The following PIK3C2G variants were observed in gnomAD, a reference collection of about 807,000 sequenced individuals.
PIK3C2G encodes the protein phosphatidylinositol 3-kinase C2 domain-containing subunit gamma.
Under a neutral mutation model 181.1 loss-of-function variants are expected in PIK3C2G, and 168 were observed. The ratio of observed to expected loss-of-function variants is 0.93; its 90% CI spans 0.82 to 1.05. The LOEUF is 1.05. PIK3C2G is among the 50% of genes least tolerant of loss of function. The probability of loss-of-function intolerance (pLI) is 0.00; values close to 1 mark genes in which losing one functional copy is unlikely to be tolerated. For missense variants in PIK3C2G, 1,869 were observed against 1,732.8 expected (o/e 1.08, Z -1.40); for synonymous variants, 573 against 592.2 (o/e 0.97, Z 0.47).
downstream of PIK3C2G, among the ~76,000 whole-genome samples, chr12:18,650,109 CAATATTCCCTTG>C (rs1950353081): frequency 6.6e-6 from 1 of 152,042 alleles, no homozygotes; most frequent in African/African-American, 2.4e-5. Flanking sequence ...ACTGCCAACT[CAATATTCCCTTG>C]AATTGCTGAT....
the PIK3C2G span, among the ~76,000 whole-genome samples, chr12:18,659,328 A>G: frequency 6.6e-6 from 1 of 152,146 alleles, no homozygotes; most frequent in Non-Finnish European, 1.5e-5. Context: ...AGTCAGACAA[A>G]ATAAGCTGCC....
chr12:18,285,472 T>C (rs1949403519), intron 2 of PIK3C2G: 1 of 152,032 alleles, frequency 6.6e-6, no homozygotes. Context: ...TTAAATTTTT[T>C]GAAAGACAAT....
chr12:18,389,725 GC>G (rs1943420570), intron 14 of PIK3C2G, among the ~76,000 whole-genome samples: 1 of 152,004 alleles, frequency 6.6e-6, no homozygotes. Context: ...TAGCTATTTA[GC>G]CTCATAATTC....
At chr12:18,637,188 T>C (rs1218751920) in intron 31 of PIK3C2G, among the ~76,000 whole-genome samples, 2 of 152,058 alleles carry the variant, frequency 1.3e-5, no homozygotes, top group African/African-American at 4.8e-5. Context: ...TAGTGCACAG[T>C]TTTCCTCGTA....
chr12:18,704,133 G>A, the PIK3C2G span, among the ~76,000 whole-genome samples: 1 of 152,104 alleles, frequency 6.6e-6, no homozygotes, highest in Non-Finnish European at 1.5e-5. Flanking sequence ...GGAAGTGGAG[G>A]TCGACAGTAT....
chr12:18,634,715 C>T (rs572226480), intron 31 of PIK3C2G, among the ~76,000 whole-genome samples: 1 of 152,292 alleles, frequency 6.6e-6, no homozygotes, highest in African/African-American at 2.4e-5. Context: ...ACCATGACCA[C>T]TTTGTTCATG....
At chr12:18,253,406 A>G (rs1291751544) in intron 1 of PIK3C2G, among the ~76,000 whole-genome samples, 1 of 152,242 alleles carries the variant, frequency 6.6e-6, no homozygotes, top group Non-Finnish European at 1.5e-5. Flanking sequence ...ATTATAATCA[A>G]GAAGCAAAGG....
chr12:18,723,091 C>G, the PIK3C2G span, among the ~76,000 whole-genome samples: 22 of 151,760 alleles, frequency 1.4e-4, no homozygotes, highest in Non-Finnish European at 1.9e-4. Context: ...AAGAAAGGAG[C>G]TGAACAATGT....
the PIK3C2G span, among the ~76,000 whole-genome samples, chr12:18,654,704 G>T: frequency 6.6e-6 from 1 of 152,154 alleles, no homozygotes; most frequent in Admixed American, 6.6e-5. Context: ...ACTTGGTCTG[G>T]ATCAGCTCTT....
chr12:18,369,537 A>G (rs879027198), intron 12 of PIK3C2G, among the ~76,000 whole-genome samples: 1 of 13,210 alleles, frequency 7.6e-5, no homozygotes, highest in Non-Finnish European at 1.5e-4. Context: ...TCATATAACG[A>G]TCGTATAATT....
intron 18 of PIK3C2G, among the ~76,000 whole-genome samples, chr12:18,459,883 C>G (rs922952515): frequency 6.6e-6 from 1 of 152,126 alleles, no homozygotes; most frequent in Non-Finnish European, 1.5e-5. Flanking sequence ...CTGCCTCAGC[C>G]TCCCAAGTAG....
At chr12:18,509,470 T>G (rs1317409015) in intron 24 of PIK3C2G, among the ~76,000 whole-genome samples, 1 of 152,238 alleles carries the variant, frequency 6.6e-6, no homozygotes, top group Non-Finnish European at 1.5e-5. Flanking sequence ...TTTATACTCA[T>G]GCTTACATCA....
At chr12:18,615,375 G>GTATGCA (rs1555150546) in intron 31 of PIK3C2G, among the ~76,000 whole-genome samples, 132 of 89,616 alleles carry the variant, frequency 1.5e-3, no homozygotes, top group African/African-American at 3.7e-3. Flanking sequence ...GTGTGTATGT[G>GTATGCA]TATATATATA....
chr12:18,256,384 C>T (rs10770340), intron 1 of PIK3C2G, among the ~76,000 whole-genome samples: 66,674 of 151,878 alleles, frequency 0.44, 15,076 homozygotes, highest in East Asian at 0.75. Flanking sequence ...CTTTTATTTA[C>T]TGGTTTCTTT....
chr12:18,256,623 C>G (rs1591762105), upstream of PIK3C2G, among the ~76,000 whole-genome samples: 1 of 152,124 alleles, frequency 6.6e-6, no homozygotes, highest in Non-Finnish European at 1.5e-5. Flanking sequence ...TGTCACAGAA[C>G]TTTGCACAAG....
At chr12:18,632,811 C>T (rs1949407521) in intron 31 of PIK3C2G, among the ~76,000 whole-genome samples, 1 of 152,182 alleles carries the variant, frequency 6.6e-6, no homozygotes, top group Admixed American at 6.5e-5. Context: ...TGCCCACCCA[C>T]CCTGGGGATG....
chr12:18,389,383 G>A (rs1010331638), intron 14 of PIK3C2G, among the ~76,000 whole-genome samples: 1 of 151,436 alleles, frequency 6.6e-6, no homozygotes, highest in Non-Finnish European at 1.5e-5. Context: ...TGAGACCAAA[G>A]CCAGGCTTGG....
chr12:18,684,072 G>T, the PIK3C2G span: 2 of 1,573,312 alleles, frequency 1.3e-6, no homozygotes, highest in Admixed American at 1.7e-5. Flanking sequence ...ATGTGTCTTT[G>T]ATATACACAA....
chr12:18,466,136 A>G (rs1937854157), intron 18 of PIK3C2G, among the ~76,000 whole-genome samples: 1 of 151,668 alleles, frequency 6.6e-6, no homozygotes, highest in Non-Finnish European at 1.5e-5. Flanking sequence ...ATTTATTTTA[A>G]TTATGTATTT....
Sources: gnomAD v4.1 joint callset for allele counts (sites outside exome capture counted in the v4.1 genomes callset) on GRCh38, gnomAD v4.1.1 for gene constraint, MANE v1.5 for transcripts, NCBI Gene and HGNC (gene_info 2026-07-23, HGNC 2026-07-21) for gene names.